Variants in TOX observed in about 807,000 individuals in gnomAD.
TOX encodes the protein thymocyte selection-associated high mobility group box protein TOX.
TOX carries 11 observed loss-of-function variants against 53.7 expected under a neutral mutation model. That is an observed-to-expected ratio of 0.20 (90% CI 0.13 to 0.34). TOX has a LOEUF of 0.34. Ranked by LOEUF, TOX falls within the 10% of genes least tolerant of loss-of-function variation. The pLI, the probability that TOX is intolerant of heterozygous loss-of-function variation, is 1.00. For missense variants in TOX, 570 were observed against 664.6 expected (o/e 0.86, Z 1.56); for synonymous variants, 225 against 245.3 (o/e 0.92, Z 0.77).
At chr8:58,934,612 T>C (rs1226747740) in intron 3 of TOX, among the ~76,000 whole-genome samples, 1 of 152,190 alleles carries the variant, frequency 6.6e-6, no homozygotes, top group Non-Finnish European at 1.5e-5. Flanking sequence ...CAATGATAAA[T>C]AAAGACACCC....
At chr8:59,021,499 T>TATATATATATATATATACACAC (rs1554539851) in intron 1 of TOX, among the ~76,000 whole-genome samples, 1 of 109,642 alleles carries the variant, frequency 9.1e-6, no homozygotes, top group Non-Finnish European at 2.0e-5. Context: ...TATATATATA[T>TATATATATATATATATACACAC]GCACATATAT....
At chr8:59,086,032 C>T (rs1268300462) in intron 1 of TOX, among the ~76,000 whole-genome samples, 1 of 127,850 alleles carries the variant, frequency 7.8e-6, no homozygotes, top group East Asian at 2.3e-4. Flanking sequence ...GTTGTCCAGG[C>T]TGGGGTGCAA....
intron 1 of TOX, among the ~76,000 whole-genome samples, chr8:59,040,105 G>A (rs1198103411): frequency 1.3e-5 from 2 of 152,144 alleles, no homozygotes; most frequent in Non-Finnish European, 2.9e-5. Context: ...CGAGGCGGGC[G>A]GATCACGAGG....
chr8:59,068,354 T>A (rs1040293150), intron 1 of TOX, among the ~76,000 whole-genome samples: 1 of 150,608 alleles, frequency 6.6e-6, no homozygotes, highest in African/African-American at 2.5e-5. Flanking sequence ...GTTTATCTAG[T>A]GGGGGAGATA....
In TOX at chr8:58,815,389, G is replaced by T. The variant is rs1338215487; in HGVS notation, c.1341C>A (p.Asn447Lys). 6.2e-7 allele frequency: 1 copy of T among 1,612,998 alleles called. No homozygotes were observed. The highest frequency in any genetic ancestry group is 1.3e-5 in the African/African-American group (1 of 74,904). The change falls in exon 7 of 9, where the codon AAC (asparagine) becomes AAA (lysine). Residue 447 changes from asparagine (N) to lysine (K), a missense_variant. Asn to Lys is a moderately conservative substitution (Grantham distance 94). Transcript: ENST00000361421. ...QPLTMQQPLG[N>K]QLPMQVQSAL... is the part of the protein sequence containing the mutation. Reference sequence around the variant, plus strand: ...CAGACTGGACCTGCATGGGGAGCTGGTTCCCAAGGGGCTGCTGCATGGTGA... The same window carrying T: ...CAGACTGGACCTGCATGGGGAGCTGTTTCCCAAGGGGCTGCTGCATGGTGA...
chr8:59,118,140 A>C lies in TOX; in HGVS notation c.102+746T>G, dbSNP rs1044212509. 6.6e-6 allele frequency among the ~76,000 whole-genome samples: 1 copy of C among 152,190 alleles called. No homozygotes were observed. Among genetic ancestry groups the C allele is most frequent in the Non-Finnish European group, 1.5e-5 (1 of 68,030 alleles). The stretch of plus-strand genomic sequence containing the variant: ...CCCGAGGTCAGCGGGCCGTGGGTAC[A>C]GCTCAGCCGCGGACCCTGCTCCGCG... On this transcript the variant is annotated intron_variant, in intron 1 of 8. Coordinates refer to ENST00000361421, the MANE Select transcript of TOX (RefSeq NM_014729.3). This position sits in a 1 kb window ranked among gnomAD's most constrained non-coding sequence, Gnocchi z 4.1.
chr8:58,912,230 C>T (rs1479649329), intron 3 of TOX, among the ~76,000 whole-genome samples: 2 of 152,144 alleles, frequency 1.3e-5, no homozygotes, highest in Non-Finnish European at 2.9e-5. Flanking sequence ...TTAATTTACT[C>T]CTTTTATGGA....
chr8:58,994,644 T>A (rs1471839126), intron 1 of TOX, among the ~76,000 whole-genome samples: 3 of 152,070 alleles, frequency 2.0e-5, no homozygotes, highest in Non-Finnish European at 4.4e-5. Flanking sequence ...GCCATAAAAT[T>A]TTAAATATAT....
chr8:59,103,357 A>G (rs967516463), intron 1 of TOX, among the ~76,000 whole-genome samples: 1 of 152,214 alleles, frequency 6.6e-6, no homozygotes, highest in Non-Finnish European at 1.5e-5. Flanking sequence ...TAAGGACAAA[A>G]GAGTATTATG....
At chr8:58,866,731 T>C (rs1453177538) in intron 3 of TOX, among the ~76,000 whole-genome samples, 1 of 152,202 alleles carries the variant, frequency 6.6e-6, no homozygotes, top group Non-Finnish European at 1.5e-5. Flanking sequence ...AATACTGATG[T>C]CAAATTGAGT....
chr8:59,013,940 TTAAA>T (rs751919300), intron 1 of TOX, among the ~76,000 whole-genome samples: 1 of 152,226 alleles, frequency 6.6e-6, no homozygotes, highest in Non-Finnish European at 1.5e-5. Context: ...AAGTATAACA[TTAAA>T]TAAAGCACCT....
In TOX at chr8:58,807,795, G is replaced by GA. The variant is rs1445907555; in HGVS notation, c.1545-13dup. Reference sequence around the variant, plus strand: ...CCCTCTGCATGCCCCTGTAGGAAGAGAAAAAAGACAGTTCCTTGTTACAGG... The same window carrying GA: ...CCCTCTGCATGCCCCTGTAGGAAGAGAAAAAAAGACAGTTCCTTGTTACAGG... On this transcript the variant is annotated splice_polypyrimidine_tract_variant and intron_variant, in intron 8 of 8. Coordinates refer to ENST00000361421, the MANE Select transcript of TOX (RefSeq NM_014729.3). The GA allele has an allele frequency of 6.2e-6, 10 of 1,613,898 alleles. No individual in the cohort carries two copies. Among genetic ancestry groups the GA allele is most frequent in the South Asian group, 1.1e-5 (1 of 91,092 alleles).
At chr8:59,107,080 T>C (rs1488232431) in intron 1 of TOX, among the ~76,000 whole-genome samples, 1 of 149,940 alleles carries the variant, frequency 6.7e-6, no homozygotes, top group Non-Finnish European at 1.5e-5. Flanking sequence ...TCTAATTCAT[T>C]CTGAAGTTTT....
intron 3 of TOX, among the ~76,000 whole-genome samples, chr8:58,859,603 G>A (rs2129168962): frequency 6.6e-6 from 1 of 152,256 alleles, no homozygotes; most frequent in South Asian, 2.1e-4. Flanking sequence ...AACAGCCATA[G>A]TACTCTCTAG....
chr8:59,074,436 T>C (rs1401910217), intron 1 of TOX, among the ~76,000 whole-genome samples: 3 of 152,112 alleles, frequency 2.0e-5, no homozygotes, highest in Admixed American at 2.0e-4. Flanking sequence ...AAGCAATAAG[T>C]ACTGAATGAA....
intron 1 of TOX, among the ~76,000 whole-genome samples, chr8:59,036,996 T>C (rs1225182270): frequency 6.6e-6 from 1 of 152,244 alleles, no homozygotes; most frequent in African/African-American, 2.4e-5. Context: ...ATTCCTTATA[T>C]GACCTGGAAT....
intron 1 of TOX, among the ~76,000 whole-genome samples, chr8:59,080,600 T>A (rs1350201056): frequency 6.6e-6 from 1 of 152,198 alleles, no homozygotes. Context: ...TGAATTGTAA[T>A]CTCCAATGCT....
chr8:58,845,661 T>C (rs1484833914), intron 4 of TOX, among the ~76,000 whole-genome samples: 1 of 152,136 alleles, frequency 6.6e-6, no homozygotes, highest in Non-Finnish European at 1.5e-5. Context: ...ATTGTATCAG[T>C]GTCATAGTTT....
chr8:59,004,956 ATT>A lies in TOX; in HGVS notation c.103-44950_103-44949del, dbSNP rs562528817. On this transcript the variant is annotated intron_variant, in intron 1 of 8. Transcript: ENST00000361421. The stretch of plus-strand genomic sequence containing the variant: ...CTATATCTGGAATATGTGTGATTAC[ATT>A]TTTATTTCATTTTTGCAAATAATGC... Among the ~76,000 whole-genome samples the A allele has an allele frequency of 1.7e-3, 263 of 152,304 alleles. 1 individual carries two copies. Among genetic ancestry groups the A allele is most frequent in the African/African-American group, 6.1e-3 (253 of 41,568 alleles).
Sources: allele counts gnomAD v4.1 joint callset (sites outside exome capture counted in the v4.1 genomes callset), GRCh38; gene constraint gnomAD v4.1.1; non-coding constraint Gnocchi (gnomAD v3.1); transcripts MANE v1.5; gene names NCBI Gene and HGNC (gene_info 2026-07-23, HGNC 2026-07-21).